ATP2A1: variants seen among roughly 807,000 people sequenced by gnomAD.
ATP2A1 encodes the protein ATPase sarcoplasmic/endoplasmic reticulum Ca2+ transporting 1.
A neutral mutation model predicts 109.5 loss-of-function variants in ATP2A1; 83 were observed. The ratio of observed to expected loss-of-function variants is 0.76; its 90% CI spans 0.63 to 0.91. The LOEUF is 0.91. Among genes scored for constraint, ATP2A1 ranks in the 40% least tolerant of loss-of-function variants. The pLI is 0.00. For synonymous variants in ATP2A1, 505 were observed against 537.6 expected, an observed-to-expected ratio of 0.94 and a Z score of 0.84; for missense variants, 1,101 against 1,341.0, an observed-to-expected ratio of 0.82 and a Z score of 2.80.
In ATP2A1 at chr16:28,904,245, C is replaced by T. The variant is rs368850176; in HGVS notation, c.*103C>T. On this transcript the variant is annotated 3_prime_UTR_variant, in exon 23 of 23. Transcript: ENST00000395503. ...TGTCCTCCCCACCCCGATAGTGACA[C>T]ATCTTCAGGCAGAGCTGTGGCACAG... The T allele has an allele frequency of 2.1e-4, 344 of 1,613,758 alleles. No homozygotes were observed. The Middle Eastern group carries it at 3.0e-3, about 14-fold the overall frequency.
chr16:28,880,471 C>CGCTCCG lies in ATP2A1; in HGVS notation c.220-438_220-433dup, dbSNP rs1396228802. 2.0e-5 allele frequency among the ~76,000 whole-genome samples: 3 copies of CGCTCCG among 152,260 alleles called. No individual in the cohort carries two copies. Among genetic ancestry groups the CGCTCCG allele is most frequent in the Non-Finnish European group, 4.4e-5 (3 of 68,046 alleles). Reference sequence around the variant, plus strand: ...GCAGGAGGCCCCGTAACCCTATCCCCGCTCCGGCTCCCTCGTGAAACCGGA... The same window carrying CGCTCCG: ...GCAGGAGGCCCCGTAACCCTATCCCCGCTCCGGCTCCGGCTCCCTCGTGAAACCGGA... On this transcript the variant is annotated intron_variant, in intron 3 of 22. Coordinates refer to ENST00000395503, the MANE Select transcript of ATP2A1 (RefSeq NM_004320.6). The surrounding 1 kb of genome is among the most constrained non-coding windows in gnomAD (Gnocchi z 4.2).
rs777310387 is a variant in ATP2A1 at position 28,900,640 on chromosome 16, G to A, written c.1824G>A (p.Thr608=). The change falls in exon 15 of 23, where the codon ACG becomes ACA. Residue 608 remains threonine (T), a synonymous_variant. Coordinates refer to ENST00000395503, the MANE Select transcript of ATP2A1 (RefSeq NM_004320.6). ...TGGACCCTCCGCGCAAGGAGGTCAC[G>A]GGCTCCATCCAGCTGTGCCGTGACG... is the stretch of plus-strand genomic sequence containing the variant. ...GMLDPPRKEV[T]GSIQLCRDAG... is the part of the protein sequence containing the mutation. 14 of 1,602,730 alleles carry A rather than the reference G, an allele frequency of 8.7e-6. No individual in the cohort carries two copies. The highest frequency in any genetic ancestry group is 1.3e-5 in the African/African-American group (1 of 74,802).
At chr16:28,893,758 T>C in intron 9 of ATP2A1, among the ~76,000 whole-genome samples, 1 of 150,524 alleles carries the variant, frequency 6.6e-6, no homozygotes, top group East Asian at 2.0e-4. Context: ...CAAGCGATTC[T>C]CCTGCCTCAG....
intron 12 of ATP2A1, 99 bp from the exon 13 acceptor site, chr16:28,897,901 T>C: frequency 6.9e-7 from 1 of 1,454,272 alleles, no homozygotes; most frequent in South Asian, 1.1e-5. Flanking sequence ...GGACCAGACT[T>C]AGTGTTAGTC....
In ATP2A1 at chr16:28,903,726, T is replaced by C. The variant is rs1454655731; in HGVS notation, c.*22T>C. Reference sequence around the variant, plus strand: ...ATAACTGTTCCCCCTCCTCCATCTCTGAGCCCGTGTCACAGGTATCACCCC... The same window carrying C: ...ATAACTGTTCCCCCTCCTCCATCTCCGAGCCCGTGTCACAGGTATCACCCC... On this transcript the variant is annotated 3_prime_UTR_variant, in exon 22 of 23. Transcript: ENST00000395503. The surrounding 1 kb of genome is among the most constrained non-coding windows in gnomAD (Gnocchi z 5.6). 1.2e-6 allele frequency: 2 copies of C among 1,613,458 alleles called. No individual in the cohort carries two copies. The highest frequency in any genetic ancestry group is 3.3e-5 in the Admixed American group (2 of 59,996).
chr16:28,888,658 G>T, intron 8 of ATP2A1, 129 bp from the exon 9 acceptor site: 1 of 1,107,284 alleles, frequency 9.0e-7, no homozygotes, highest in Non-Finnish European at 1.3e-6. Context: ...TCCCGCCTCA[G>T]CCTCCCAAAG....
rs1360103770 is a variant in ATP2A1 at position 28,879,543 on chromosome 16, T to A, written c.179T>A (p.Leu60His). 4 of 1,614,122 alleles carry A rather than the reference T, an allele frequency of 2.5e-6. No homozygotes were observed. Among genetic ancestry groups the A allele is most frequent in the Admixed American group, 1.7e-5 (1 of 60,022 alleles). ...WELVIEQFEDLLVRILLLAAC... is the reference protein window; with the variant it reads ...WELVIEQFEDHLVRILLLAAC... ...CTGGTGATAGAGCAGTTTGAAGACC[T>A]CCTGGTGCGGATTCTCCTCCTGGCC... Residue 60 changes from leucine to histidine, a missense_variant, in exon 3 of 23, where the codon CTC becomes CAC. Physicochemically the swap from Leu to His is moderately conservative, Grantham distance 99. Transcript: ENST00000395503.
Position 28,898,399 on chromosome 16 carries a change from C to T in ATP2A1, c.1712C>T (p.Pro571Leu), listed in dbSNP as rs567407505. 15 of 1,614,196 alleles carry T rather than the reference C, an allele frequency of 9.3e-6. No homozygotes were observed. Among genetic ancestry groups the T allele is most frequent in the South Asian group, 3.3e-5 (3 of 91,086 alleles). The change falls in exon 14 of 23, where the codon CCG (proline) becomes CTG (leucine). Residue 571 changes from proline (P) to leucine (L), a missense_variant. Coordinates refer to ENST00000395503, the MANE Select transcript of ATP2A1 (RefSeq NM_004320.6). This position sits in a 1 kb window ranked among gnomAD's most constrained non-coding sequence, Gnocchi z 4.0. ...CLALATRDTP[P>L]KREEMVLDDS... ...GCCCTGGCCACCCGGGACACCCCCC[C>T]GAAGCGAGAGGAAATGGTCCTGGAT...
At position 28,887,332 on chromosome 16, in the gene ATP2A1, G is replaced by A; in HGVS notation, c.630+58G>A. 5 of 1,612,906 alleles carry A rather than the reference G, an allele frequency of 3.1e-6. 1 individual carries two copies. The highest frequency in any genetic ancestry group is 4.2e-6 in the Non-Finnish European group (5 of 1,179,024). ...AGTCAAGCCAGGTGCCCGGGTTGGA[G>A]AGAAACATGGCGTGTGAGAAGAGAT... On this transcript the variant is annotated intron_variant, in intron 7 of 22. Coordinates refer to ENST00000395503, the MANE Select transcript of ATP2A1 (RefSeq NM_004320.6).
Position 28,902,922 on chromosome 16 carries a change from C to A in ATP2A1, c.2744+11C>A. 1 of 1,613,840 alleles carries A rather than the reference C, an allele frequency of 6.2e-7. No individual in the cohort carries two copies. Among genetic ancestry groups the A allele is most frequent in the South Asian group, 1.1e-5 (1 of 91,084 alleles). On this transcript the variant is annotated intron_variant, in intron 19 of 22. Transcript: ENST00000395503. This position sits in a 1 kb window ranked among gnomAD's most constrained non-coding sequence, Gnocchi z 4.8. ...CAATGCACTGAACAGGTGGGGGCCC[C>A]CCAGCTACACCCACCACCCTCCCCT...
intron 10 of ATP2A1, 124 bp from the exon 11 acceptor site, chr16:28,894,381 G>A (rs952430182): frequency 1.3e-5 from 16 of 1,279,590 alleles, no homozygotes; most frequent in Non-Finnish European, 1.7e-5. Context: ...CCTGATATCC[G>A]AGTTGGCTCT....
intron 5 of ATP2A1, among the ~76,000 whole-genome samples, chr16:28,884,080 C>T (rs1963557330): frequency 6.6e-6 from 1 of 152,140 alleles, no homozygotes; most frequent in South Asian, 2.1e-4. Flanking sequence ...ACTTCATTCT[C>T]TCACCCCGAC....
chr16:28,879,769 G>A (rs1240239526), intron 3 of ATP2A1, 186 bp downstream of exon 3: 1 of 757,336 alleles, frequency 1.3e-6, no homozygotes, highest in Non-Finnish European at 2.2e-6. Context: ...CACCCCAGAG[G>A]CAGGTTTTAT....
At chr16:28,894,723 G>A (rs1963869115) in intron 11 of ATP2A1, 99 bp from the exon 12 acceptor site, 1 of 1,599,754 alleles carries the variant, frequency 6.3e-7, no homozygotes, top group Non-Finnish European at 8.5e-7. Context: ...GGGTGCAAGG[G>A]AGGCAGTGGT....
chr16:28,879,497 C>G lies in ATP2A1; in HGVS notation c.137-4C>G, dbSNP rs201212818. 7 of 1,613,374 alleles carry G rather than the reference C, an allele frequency of 4.3e-6. No homozygotes were observed. In the Admixed American group the frequency reaches 1.0e-4, roughly 23 times the overall value. Reference sequence around the variant, plus strand: ...CGGGGCCCTCCCCTTGCCTCCTCCCCCAGGGAAGACCCTGTGGGAGCTGGT... The same window carrying G: ...CGGGGCCCTCCCCTTGCCTCCTCCCGCAGGGAAGACCCTGTGGGAGCTGGT... On this transcript the variant is annotated splice_region_variant and splice_polypyrimidine_tract_variant and intron_variant, in intron 2 of 22. Transcript: ENST00000395503.
Position 28,903,517 on chromosome 16 carries a change from C to T in ATP2A1, c.2980+77C>T, listed in dbSNP as rs114820983. On this transcript the variant is annotated intron_variant, in intron 21 of 22. Coordinates refer to ENST00000395503, the MANE Select transcript of ATP2A1 (RefSeq NM_004320.6). This position sits in a 1 kb window ranked among gnomAD's most constrained non-coding sequence, Gnocchi z 5.6. ...CCATGACGCCGCCCCCGCCCCGCCC[C>T]GTACTTTGCAGGTGGTAAGTTTCTC... The T allele has an allele frequency of 4.5e-3, 6,269 of 1,400,710 alleles. 253 individuals are homozygous for T. The African/African-American group carries it at 0.079, about 18-fold the overall frequency. 86.8% of individuals were successfully genotyped at this position (1,400,710 alleles called of 1,614,324 possible).
At chr16:28,893,193 G>C (rs2152208372) in intron 9 of ATP2A1, among the ~76,000 whole-genome samples, 1 of 151,550 alleles carries the variant, frequency 6.6e-6, no homozygotes, top group Non-Finnish European at 1.5e-5. Flanking sequence ...AAACCAGCCT[G>C]GGCAACATAG....
chr16:28,897,532 CAATG>C (rs1211238933), intron 12 of ATP2A1, among the ~76,000 whole-genome samples: 3 of 152,138 alleles, frequency 2.0e-5, no homozygotes, highest in East Asian at 1.9e-4. Flanking sequence ...AATAAACAAA[CAATG>C]AAAGTTTTTT....
chr16:28,902,953 C>T lies in ATP2A1; in HGVS notation c.2744+42C>T, dbSNP rs1964128379. 1.2e-6 allele frequency: 2 copies of T among 1,613,614 alleles called. No homozygotes were observed. Among genetic ancestry groups the T allele is most frequent in the Admixed American group, 3.3e-5 (2 of 59,966 alleles). On this transcript the variant is annotated intron_variant, in intron 19 of 22. Transcript: ENST00000395503. The surrounding 1 kb of genome is among the most constrained non-coding windows in gnomAD (Gnocchi z 4.8). Reference sequence around the variant, plus strand: ...TACACCCACCACCCTCCCCTGAGGCCACTGCCCACATCCTCCACTGTGCCG... The same window carrying T: ...TACACCCACCACCCTCCCCTGAGGCTACTGCCCACATCCTCCACTGTGCCG...
Sources: allele counts gnomAD v4.1 joint callset (sites outside exome capture counted in the v4.1 genomes callset), GRCh38; gene constraint gnomAD v4.1.1; non-coding constraint Gnocchi (gnomAD v3.1); transcripts MANE v1.5; gene names NCBI Gene and HGNC (gene_info 2026-07-23, HGNC 2026-07-21).